The following PMVK variants were observed in gnomAD, a reference collection of about 807,000 sequenced individuals.
PMVK encodes phosphomevalonate kinase, also known as testis tissue sperm-binding protein Li 95mP.
In PMVK, 10 loss-of-function variants were observed where a neutral mutation model predicts 19.0. The observed-to-expected ratio is 0.53, with a 90% CI of 0.32 to 0.89. The LOEUF is 0.89. PMVK is among the 40% of genes least tolerant of loss of function. The pLI is 0.03. For synonymous variants in PMVK, 108 were observed against 101.6 expected (o/e 1.06, Z -0.38); for missense variants, 222 against 251.1 (o/e 0.88, Z 0.78).
upstream of PMVK, chr1:154,936,821 G>A (rs1160013779): frequency 6.5e-6 from 5 of 773,248 alleles, no homozygotes; most frequent in Non-Finnish European, 1.1e-5. Flanking sequence ...CCGTAGCTGC[G>A]AACAGGGCTG....
chr1:154,934,919 G>A (rs1359772954), intron 1 of PMVK, among the ~76,000 whole-genome samples: 1 of 151,824 alleles, frequency 6.6e-6, no homozygotes, highest in East Asian at 1.9e-4. Context: ...AAAGTTAGCT[G>A]GGCATGGTGG....
At chr1:154,928,633 G>A (rs1350970168) in intron 3 of PMVK, among the ~76,000 whole-genome samples, 4 of 152,022 alleles carry the variant, frequency 2.6e-5, no homozygotes, top group South Asian at 2.1e-4. Context: ...TTAGCCAGGC[G>A]TGGTGGTGGA....
At chr1:154,926,582 C>G in intron 3 of PMVK, 99 bp from the exon 4 acceptor site, 1 of 995,620 alleles carries the variant, frequency 1.0e-6, no homozygotes, top group South Asian at 1.6e-5. Context: ...GGGTGTGGCT[C>G]TACCCCCCCA....
intron 1 of PMVK, among the ~76,000 whole-genome samples, chr1:154,933,544 A>T (rs1261357289): frequency 2.6e-5 from 3 of 113,750 alleles, no homozygotes; most frequent in Non-Finnish European, 1.7e-5. Flanking sequence ...CCCAGGCTGG[A>T]GTGCAATGGC....
Position 154,929,095 on chromosome 1 carries a change from C to G in PMVK, c.241G>C (p.Glu81Gln), listed in dbSNP as rs767615304. The change falls in exon 3 of 5, where the codon GAG (glutamate) becomes CAG (glutamine). Residue 81 changes from glutamate to glutamine, a missense_variant. By Grantham distance (29) the Glu-to-Gln change is conservative. Transcript: ENST00000368467. ...AFRKDMIRWG[E>Q]EKRQADPGFF... ...CCTGGGTCAGCCTGGCGTTTCTCCT[C>G]TCCCCAGCGGATCATGTCCTTCCGA... is the stretch of plus-strand genomic sequence containing the variant. 8.7e-6 allele frequency: 14 copies of G among 1,614,072 alleles called. No homozygotes were observed. In the South Asian group the frequency reaches 1.4e-4, roughly 16 times the overall value.
chr1:154,926,590 C>G lies in PMVK; in HGVS notation c.313-107G>C, dbSNP rs146661184. 3.7e-5 allele frequency: 33 copies of G among 880,862 alleles called. No individual in the cohort carries two copies. In the East Asian group the frequency reaches 6.4e-4, roughly 17 times the overall value. 54.6% of individuals were successfully genotyped at this position (880,862 alleles called of 1,614,324 possible). ...CAGTGTGGGGTGTGGCTCTACCCCCCCATCATCGTGAGCATGTCAGCAGCT... is the reference window on the plus strand; with the variant it reads ...CAGTGTGGGGTGTGGCTCTACCCCCGCATCATCGTGAGCATGTCAGCAGCT... On this transcript the variant is annotated intron_variant, in intron 3 of 4. Coordinates refer to ENST00000368467, the MANE Select transcript of PMVK (RefSeq NM_006556.4).
chr1:154,939,630 G>A (rs533936319), upstream of PMVK, among the ~76,000 whole-genome samples: 14 of 151,548 alleles, frequency 9.2e-5, no homozygotes, highest in African/African-American at 2.9e-4. Context: ...CCCAGGAGGT[G>A]GAGCTTGCAG....
chr1:154,936,481 T>C (rs1571386800), intron 1 of PMVK, 110 bp downstream of exon 1: 3 of 1,502,564 alleles, frequency 2.0e-6, no homozygotes, highest in African/African-American at 2.8e-5. Flanking sequence ...CCTCCTGCCT[T>C]GCAAACGGAC....
Position 154,925,011 on chromosome 1 carries a change from A to G in PMVK, c.*118T>C. On this transcript the variant is annotated 3_prime_UTR_variant, in exon 5 of 5. Coordinates refer to ENST00000368467, the MANE Select transcript of PMVK (RefSeq NM_006556.4). Reference sequence around the variant, plus strand: ...GCCCAATATCCACCAACCCCCTCAGAATCTAGACCCCCCCTGTCTGTTCCT... The same window carrying G: ...GCCCAATATCCACCAACCCCCTCAGGATCTAGACCCCCCCTGTCTGTTCCT... The G allele has an allele frequency of 6.1e-6, 3 of 494,016 alleles. No homozygotes were observed. Among genetic ancestry groups the G allele is most frequent in the Non-Finnish European group, 1.0e-5 (3 of 292,438 alleles). The allele number at this position is 494,016 out of a possible 1,614,324, so 30.6% of individuals were successfully genotyped here.
the PMVK span, among the ~76,000 whole-genome samples, chr1:154,942,395 CAGG>C: frequency 2.0e-5 from 3 of 152,208 alleles, no homozygotes; most frequent in African/African-American, 7.2e-5. Context: ...GGCCCATGGT[CAGG>C]AGATCATCCG....
At chr1:154,937,582 C>CG (rs766459832), upstream of PMVK, 6,769 of 152,320 alleles carry the variant, frequency 0.044, 219 homozygotes, top group Middle Eastern at 0.15. Flanking sequence ...CCCTGCATCC[C>CG]CGGTTCTGCC....
At chr1:154,940,299 C>T (rs1654615486), upstream of PMVK, among the ~76,000 whole-genome samples, 1 of 152,194 alleles carries the variant, frequency 6.6e-6, no homozygotes. Context: ...TCAGTGATGA[C>T]CTCAATGGAT....
chr1:154,941,688 TA>T (rs1301434500), upstream of PMVK, among the ~76,000 whole-genome samples: 2 of 152,184 alleles, frequency 1.3e-5, no homozygotes, highest in Non-Finnish European at 2.9e-5. Flanking sequence ...CAGAAGCCAA[TA>T]GGGGTGGTCA....
chr1:154,935,982 A>C (rs1228269035), intron 1 of PMVK, among the ~76,000 whole-genome samples: 1 of 152,074 alleles, frequency 6.6e-6, no homozygotes, highest in Non-Finnish European at 1.5e-5. Flanking sequence ...CATGACCACC[A>C]CACCCGGCCT....
At chr1:154,936,943 T>C, upstream of PMVK, 2 of 490,282 alleles carry the variant, frequency 4.1e-6, no homozygotes, top group East Asian at 3.7e-5. Flanking sequence ...CTCGTGAAGC[T>C]CCCCCACCCG....
chr1:154,929,311 G>T, intron 2 of PMVK, 135 bp from the exon 3 acceptor site: 2 of 740,942 alleles, frequency 2.7e-6, no homozygotes, highest in Non-Finnish European at 4.4e-6. Context: ...GTTTCAGCCA[G>T]GACAAAGGTC....
rs1287407303 is a variant in PMVK at position 154,928,876 on chromosome 1, A to G, written c.312+148T>C. ...ACCACAGAGGGCAAGAGCCACAGCT[A>G]GAGACCAGTGTGGAGGCTACTGCGA... On this transcript the variant is annotated intron_variant, in intron 3 of 4. Coordinates refer to ENST00000368467, the MANE Select transcript of PMVK (RefSeq NM_006556.4). 5.8e-6 allele frequency: 4 copies of G among 691,410 alleles called. No individual in the cohort carries two copies. In the Admixed American group the frequency reaches 6.9e-5, roughly 12 times the overall value. The allele number at this position is 691,410 out of a possible 1,614,324, so 42.8% of individuals were successfully genotyped here.
In PMVK at chr1:154,925,001, A is replaced by G. The variant is rs537087696; in HGVS notation, c.*128T>C. The G allele has an allele frequency of 9.0e-5, 54 of 602,610 alleles. No homozygotes were observed. The highest frequency in any genetic ancestry group is 2.6e-4 in the African/African-American group (13 of 50,638). 37.3% of individuals were successfully genotyped at this position (602,610 alleles called of 1,614,324 possible). The stretch of plus-strand genomic sequence containing the variant: ...TTCCTGCCTTGCCCAATATCCACCA[A>G]CCCCCTCAGAATCTAGACCCCCCCT... On this transcript the variant is annotated 3_prime_UTR_variant, in exon 5 of 5. Transcript: ENST00000368467.
upstream of PMVK, chr1:154,936,810 G>A: frequency 1.2e-6 from 1 of 848,362 alleles, no homozygotes; most frequent in South Asian, 1.6e-5. Flanking sequence ...GCCCCTCCTC[G>A]CCGTAGCTGC....
Sources: gnomAD v4.1 joint callset for allele counts (sites outside exome capture counted in the v4.1 genomes callset) on GRCh38, gnomAD v4.1.1 for gene constraint, MANE v1.5 for transcripts, NCBI Gene and HGNC (gene_info 2026-07-23, HGNC 2026-07-21) for gene names.